The following ADPRHL1 variants were observed in gnomAD, a reference collection of about 807,000 sequenced individuals.
ADPRHL1 encodes the protein inactive ADP-ribosyltransferase ARH2.
ADPRHL1 carries 43 observed loss-of-function variants against 44.1 expected under a neutral mutation model. The ratio of observed to expected loss-of-function variants is 0.98; its 90% CI spans 0.76 to 1.26. The LOEUF (loss-of-function observed/expected upper bound fraction) is 1.26, where lower values mean the gene tolerates loss of function less well. Ranked by LOEUF, ADPRHL1 falls within the 50% of genes most tolerant of loss-of-function variation. The pLI, the probability that ADPRHL1 is intolerant of heterozygous loss-of-function variation, is 0.00. For missense variants in ADPRHL1, 2,022 were observed against 2,496.9 expected, an observed-to-expected ratio of 0.81 and a Z score of 4.05; for synonymous variants, 878 against 1,017.4, an observed-to-expected ratio of 0.86 and a Z score of 2.61.
chr13:113,413,332 A>T (rs2043869674), intron 7 of ADPRHL1, among the ~76,000 whole-genome samples: 2 of 151,872 alleles, frequency 1.3e-5, no homozygotes, highest in Admixed American at 1.3e-4. Context: ...ATCCTTCACA[A>T]CCCGGCTCAG....
At chr13:113,410,194 C>T (rs2043841871) in intron 7 of ADPRHL1, 4 of 931,448 alleles carry the variant, frequency 4.3e-6, no homozygotes, top group Non-Finnish European at 5.1e-6. Flanking sequence ...TCCGCTTCCC[C>T]CACCTTCCCG....
chr13:113,403,174 G>A lies in ADPRHL1; in HGVS notation c.*204C>T, dbSNP rs2043775524. 1 of 409,166 alleles carries A rather than the reference G, an allele frequency of 2.4e-6. No homozygotes were observed. The highest frequency in any genetic ancestry group is 1.3e-4 in the South Asian group (1 of 7,456). 25.3% of individuals were successfully genotyped at this position (409,166 alleles called of 1,614,324 possible). ...CCGCACCTCCCACCCCCATGGCCTC[G>A]TGGCTCTGTGGGGTGACAGGAACCC... On this transcript the variant is annotated 3_prime_UTR_variant, in exon 8 of 8. Transcript: ENST00000612156.
chr13:113,416,377 C>T (rs1389025426), intron 7 of ADPRHL1, among the ~76,000 whole-genome samples: 10 of 151,918 alleles, frequency 6.6e-5, no homozygotes, highest in African/African-American at 2.4e-4. Flanking sequence ...TCTGGTAAAC[C>T]GGCAGTGACC....
At chr13:113,419,087 T>TTTTCCTTCCTTCAC (rs2043902690) in intron 7 of ADPRHL1, among the ~76,000 whole-genome samples, 1 of 2,160 alleles carries the variant, frequency 4.6e-4, no homozygotes, top group Non-Finnish European at 1.0e-3. Flanking sequence ...TCCTTCCTTC[T>TTTTCCTTCCTTCAC]TCCCTCCCTC....
intron 2 of ADPRHL1, among the ~76,000 whole-genome samples, chr13:113,437,557 G>A (rs1196872596): frequency 1.3e-5 from 2 of 152,238 alleles, no homozygotes. Flanking sequence ...GAATCACGGA[G>A]AACGTGCCGT....
chr13:113,430,160 C>T lies in ADPRHL1; in HGVS notation c.506-1068G>A, dbSNP rs1293805170. Among the ~76,000 whole-genome samples the T allele has an allele frequency of 2.6e-5, 4 of 152,314 alleles. 1 individual carries two copies. Among genetic ancestry groups the T allele is most frequent in the African/African-American group, 9.6e-5 (4 of 41,568 alleles). ...TCTGGCCCCACTAGGCTCCCATCCA[C>T]CATTGCAGTGGCCTCATTCCGCTAG... On this transcript the variant is annotated intron_variant, in intron 3 of 7. Transcript: ENST00000612156.
intron 7 of ADPRHL1, among the ~76,000 whole-genome samples, chr13:113,412,779 GCAGAACT>G (rs1566467653): frequency 7.1e-5 from 7 of 98,954 alleles, no homozygotes; most frequent in African/African-American, 2.2e-4. Context: ...ACAGCGCCCC[GCAGAACT>G]CGGTTCACCC....
At chr13:113,446,899 TTG>T (rs1310307023) in intron 1 of ADPRHL1, among the ~76,000 whole-genome samples, 5 of 146,650 alleles carry the variant, frequency 3.4e-5, no homozygotes, top group African/African-American at 7.7e-5. Context: ...AGTCACGGTG[TTG>T]TGTGTGCATG....
chr13:113,447,448 G>T (rs113342477), intron 1 of ADPRHL1, among the ~76,000 whole-genome samples: 52,585 of 133,188 alleles, frequency 0.39, 10,952 homozygotes, highest in African/African-American at 0.61. Context: ...ACTCATGGTG[G>T]TGTGTGTGTA....
At chr13:113,437,955 T>G (rs187665986) in intron 2 of ADPRHL1, among the ~76,000 whole-genome samples, 1 of 152,314 alleles carries the variant, frequency 6.6e-6, no homozygotes, top group African/African-American at 2.4e-5. Context: ...CTCAGCCTCC[T>G]GAGTAGCTGG....
rs1796995989 is a variant in ADPRHL1, at chr13:113,407,808, G to A, written c.1474C>T (p.Arg492Cys). Reference sequence around the variant, plus strand: ...CTCTTCCCGGCCGGGTGGCCCCAGCGGGGCTTCTCGCTGAGGCAGGGCTTT... The same window carrying A: ...CTCTTCCCGGCCGGGTGGCCCCAGCAGGGCTTCTCGCTGAGGCAGGGCTTT... ...APKPCLSEKP[R>C]WGHPAGKSTV... Residue 492 changes from arginine (R) to cysteine (C), a missense_variant, in exon 8 of 8, where the codon CGC becomes TGC. Physicochemically the swap from Arg to Cys is radical, Grantham distance 180. Transcript: ENST00000612156. 1.6e-5 allele frequency: 20 copies of A among 1,232,022 alleles called. No homozygotes were observed. Among genetic ancestry groups the A allele is most frequent in the Middle Eastern group, 3.1e-4 (1 of 3,208 alleles). 76.3% of individuals were successfully genotyped at this position (1,232,022 alleles called of 1,614,324 possible).
intron 3 of ADPRHL1, among the ~76,000 whole-genome samples, chr13:113,431,020 G>A (rs538051508): frequency 1.3e-4 from 20 of 152,362 alleles, no homozygotes; most frequent in African/African-American, 4.8e-4. Flanking sequence ...GAGAGGTTGT[G>A]TTGCTGTTTT....
rs1350034170 is a variant in ADPRHL1 at position 113,409,745 on chromosome 13, C to T, written c.1062-1525G>A. The T allele has an allele frequency of 4.3e-5, 29 of 674,916 alleles. No homozygotes were observed. The highest frequency in any genetic ancestry group is 5.3e-5 in the Non-Finnish European group (29 of 546,728). The allele number at this position is 674,916 out of a possible 1,614,324, so 41.8% of individuals were successfully genotyped here. ...ACTAAAGATATAAAAAAAAATCAGC[C>T]GGGCGTGGTGGCGGGCGCCTGTAGT... On this transcript the variant is annotated intron_variant, in intron 7 of 7. Coordinates refer to ENST00000612156, the MANE Select transcript of ADPRHL1 (RefSeq NM_001394807.1). This position sits in a 1 kb window ranked among gnomAD's most constrained non-coding sequence, Gnocchi z 4.2.
intron 7 of ADPRHL1, among the ~76,000 whole-genome samples, chr13:113,418,482 G>A (rs1190402797): frequency 6.6e-6 from 1 of 152,172 alleles, no homozygotes; most frequent in Non-Finnish European, 1.5e-5. Context: ...GAAAACACTG[G>A]ACACAATAAT....
At position 113,452,177 on chromosome 13, in the gene ADPRHL1, C is replaced by T. The variant is rs554388131; in HGVS notation, c.214+1047G>A. Among the ~76,000 whole-genome samples the T allele has an allele frequency of 3.9e-5, 6 of 152,328 alleles. No homozygotes were observed. In the South Asian group the frequency reaches 6.2e-4, roughly 16 times the overall value. ...GCTGCGGGGCACAAGCATGGGGTTG[C>T]TGGTCCTAAGGGCACACGAGTGGCC... is the stretch of plus-strand genomic sequence containing the variant. On this transcript the variant is annotated intron_variant, in intron 1 of 7. Transcript: ENST00000612156.
intron 4 of ADPRHL1, among the ~76,000 whole-genome samples, chr13:113,426,190 C>T (rs555603691): frequency 2.9e-4 from 44 of 152,328 alleles, no homozygotes; most frequent in Non-Finnish European, 4.9e-4. Context: ...GAACCTGCAG[C>T]TACACACCCT....
At chr13:113,427,652 C>T (rs938146603) in intron 4 of ADPRHL1, among the ~76,000 whole-genome samples, 27 of 152,260 alleles carry the variant, frequency 1.8e-4, no homozygotes, top group African/African-American at 4.8e-4. Flanking sequence ...CCACACCAAA[C>T]GGTAAGAGAG....
chr13:113,405,585 ATG>A lies in ADPRHL1; in HGVS notation c.3695_3696del (p.Thr1232IlefsTer35), dbSNP rs1405381549. 8.1e-7 allele frequency: 1 copy of A among 1,231,964 alleles called. No homozygotes were observed. Among genetic ancestry groups the A allele is most frequent in the African/African-American group, 1.6e-5 (1 of 64,396 alleles). The allele number at this position is 1,231,964 out of a possible 1,614,324, so 76.3% of individuals were successfully genotyped here. On this transcript the variant is annotated frameshift_variant, in exon 8 of 8. Transcript: ENST00000612156. LOFTEE classifies it low-confidence loss of function (END_TRUNC). ...GCTGCTGTATGTCTGCTGGCTGCTG[ATG>A]TGTTTGAAATGTATAATCGGGCCGC... The part of the protein sequence containing the change: ...PEAARLYISN[T>X]SAASRHTAAV...
At chr13:113,448,956 C>CT in intron 1 of ADPRHL1, 1 of 985,238 alleles carries the variant, frequency 1.0e-6, no homozygotes. Context: ...GCCGAGCTCT[C>CT]TGTGCGAGGC....
Sources: gnomAD v4.1 joint callset for allele counts (sites outside exome capture counted in the v4.1 genomes callset) on GRCh38, gnomAD v4.1.1 for gene constraint, Gnocchi (gnomAD v3.1) non-coding constraint, MANE v1.5 for transcripts, NCBI Gene and HGNC (gene_info 2026-07-23, HGNC 2026-07-21) for gene names.